Variants in GSTO2 observed in about 807,000 individuals in gnomAD.
The protein encoded by GSTO2 is glutathione S-transferase omega-2.
A neutral mutation model predicts 28.4 loss-of-function variants in GSTO2; 23 were observed. The observed-to-expected ratio is 0.81, with a 90% CI of 0.58 to 1.15. GSTO2 has a LOEUF of 1.15. Among genes scored for constraint, GSTO2 ranks in the 50% most tolerant of loss-of-function variants. The pLI, the probability that GSTO2 is intolerant of heterozygous loss-of-function variation, is 0.00. For missense variants in GSTO2, 298 were observed against 297.8 expected (o/e 1.00, Z 0.00); for synonymous variants, 109 against 111.0 (o/e 0.98, Z 0.11).
chr10:104,301,261 C>T lies in GSTO2; in HGVS notation c.*1977C>T, dbSNP rs2135157169. On this transcript the variant is annotated 3_prime_UTR_variant, in exon 7 of 7. Coordinates refer to ENST00000338595, the MANE Select transcript of GSTO2 (RefSeq NM_183239.2). ...AACAGGAAATGGCATGCCTCTGGCT[C>T]ACCAAAATGAAGGTGTTCTCTTTTG... 1 of 152,346 alleles carries T rather than the reference C, an allele frequency of 6.6e-6. No homozygotes were observed. Among genetic ancestry groups the T allele is most frequent in the Non-Finnish European group, 1.5e-5 (1 of 68,054 alleles). 9.4% of individuals were successfully genotyped at this position (152,346 alleles called of 1,614,324 possible).
intron 5 of GSTO2, among the ~76,000 whole-genome samples, chr10:104,281,939 C>T (rs1463806301): frequency 2.0e-5 from 3 of 151,860 alleles, no homozygotes; most frequent in Admixed American, 2.0e-4. Flanking sequence ...GTTCGGCAAA[C>T]AATAATCAGT....
rs555008607 is a variant in GSTO2 at position 104,279,531 on chromosome 10, A to G, written c.468+60A>G. On this transcript the variant is annotated intron_variant, in intron 5 of 6. Transcript: ENST00000338595. The stretch of plus-strand genomic sequence containing the variant: ...GTGGAGGAAGCTAGGCAGGGTCGCT[A>G]ACCTGGTCACTCTAACACCAGCTTT... The G allele has an allele frequency of 1.1e-4, 128 of 1,167,918 alleles. No individual in the cohort carries two copies. The East Asian group carries it at 2.9e-3, about 27-fold the overall frequency. The allele number at this position is 1,167,918 out of a possible 1,614,324, so 72.3% of individuals were successfully genotyped here. A position where few individuals can be genotyped will look rare whatever the true frequency, so the allele number is the denominator to read the frequency against.
At chr10:104,273,420 TC>T (rs2011502187) in intron 1 of GSTO2, among the ~76,000 whole-genome samples, 1 of 152,236 alleles carries the variant, frequency 6.6e-6, no homozygotes, top group Non-Finnish European at 1.5e-5. Context: ...TCACATGAAA[TC>T]ATTGAATGAC....
intron 5 of GSTO2, among the ~76,000 whole-genome samples, chr10:104,280,524 A>C (rs1297570311): frequency 6.6e-6 from 1 of 152,218 alleles, no homozygotes; most frequent in Non-Finnish European, 1.5e-5. Context: ...TGGGAAATAC[A>C]GTCTTTTAGC....
chr10:104,278,811 T>C (rs1206106822), intron 4 of GSTO2, among the ~76,000 whole-genome samples: 1 of 152,218 alleles, frequency 6.6e-6, no homozygotes, highest in Non-Finnish European at 1.5e-5. Context: ...TAAGAGTGCC[T>C]GCTGTCCAGG....
At chr10:104,281,146 G>T (rs2012014299) in intron 5 of GSTO2, among the ~76,000 whole-genome samples, 1 of 152,214 alleles carries the variant, frequency 6.6e-6, no homozygotes, top group South Asian at 2.1e-4. Context: ...GCAGGGGACT[G>T]CCCAGTGAGT....
At position 104,299,548 on chromosome 10, in the gene GSTO2, T is replaced by A. The variant is rs528741319; in HGVS notation, c.*264T>A. 1.2e-4 allele frequency: 47 copies of A among 387,668 alleles called. 1 individual carries two copies. The highest frequency in any genetic ancestry group is 8.9e-4 in the African/African-American group (42 of 46,992). The allele number at this position is 387,668 out of a possible 1,614,324, so 24.0% of individuals were successfully genotyped here. ...GCTGGAGTGCAGTGGGACAGTCGGC[T>A]CACTGCAGCCTTGAACTCCTGGGCT... On this transcript the variant is annotated 3_prime_UTR_variant, in exon 7 of 7. Coordinates refer to ENST00000338595, the MANE Select transcript of GSTO2 (RefSeq NM_183239.2).
chr10:104,291,857 C>T (rs145110468), intron 5 of GSTO2, among the ~76,000 whole-genome samples: 40 of 152,314 alleles, frequency 2.6e-4, no homozygotes, highest in African/African-American at 9.4e-4. Flanking sequence ...TGCAAAGTAT[C>T]TAGCATACTA....
intron 5 of GSTO2, among the ~76,000 whole-genome samples, chr10:104,293,585 T>TTTTTTTTTTTTTTTTTTTTTGG: frequency 6.9e-6 from 1 of 145,540 alleles, no homozygotes; most frequent in Non-Finnish European, 1.5e-5. Context: ...TTTTTTTTTT[T>TTTTTTTTTTTTTTTTTTTTTGG]GCGACAAGGT....
At position 104,274,653 on chromosome 10, in the gene GSTO2, G is replaced by T. The variant is rs1589855548; in HGVS notation, c.-231-32G>T. Reference sequence around the variant, plus strand: ...TCCAGAGCAAGGGGGAGCTTTTCTGGTGTTATTTTGTCTTGTTTTGTTTTT... The same window carrying T: ...TCCAGAGCAAGGGGGAGCTTTTCTGTTGTTATTTTGTCTTGTTTTGTTTTT... On this transcript the variant is annotated intron_variant, in intron 1 of 6. Coordinates refer to ENST00000338595, the MANE Select transcript of GSTO2 (RefSeq NM_183239.2). 4 of 566,672 alleles carry T rather than the reference G, an allele frequency of 7.1e-6. No individual in the cohort carries two copies. The East Asian group carries it at 1.3e-4, about 18-fold the overall frequency. The allele number at this position is 566,672 out of a possible 1,614,324, so 35.1% of individuals were successfully genotyped here. A position where few individuals can be genotyped will look rare whatever the true frequency, so the allele number is the denominator to read the frequency against.
chr10:104,286,066 T>G (rs1048741535), intron 5 of GSTO2: 1 of 208,928 alleles, frequency 4.8e-6, no homozygotes, highest in African/African-American at 2.3e-5. Flanking sequence ...ACTAAATTCA[T>G]TATTACTAGC....
At chr10:104,292,896 CACTT>C (rs1170419976) in intron 5 of GSTO2, among the ~76,000 whole-genome samples, 3 of 152,182 alleles carry the variant, frequency 2.0e-5, no homozygotes. Context: ...GATGATAAAA[CACTT>C]AAGAAAGACA....
At chr10:104,279,539 C>A in intron 5 of GSTO2, 68 bp downstream of exon 5, 1 of 996,774 alleles carries the variant, frequency 1.0e-6, no homozygotes, top group Non-Finnish European at 1.6e-6. Flanking sequence ...CTAACCTGGT[C>A]ACTCTAACAC....
At chr10:104,277,873 G>T (rs1372933524) in intron 3 of GSTO2, 21 bp from the exon 4 acceptor site, 1 of 1,553,470 alleles carries the variant, frequency 6.4e-7, no homozygotes, top group South Asian at 1.1e-5. Flanking sequence ...GTTCTGTCTT[G>T]TTTTCCTTTT....
chr10:104,295,053 C>G (rs1201799718), intron 5 of GSTO2: 1 of 149,970 alleles, frequency 6.7e-6, no homozygotes, highest in Non-Finnish European at 1.5e-5. Context: ...AAATTTGGTT[C>G]TGATTTGTGC....
At chr10:104,277,132 C>A (rs2011679208) in intron 3 of GSTO2, among the ~76,000 whole-genome samples, 1 of 152,082 alleles carries the variant, frequency 6.6e-6, no homozygotes, top group Non-Finnish European at 1.5e-5. Context: ...ATTCTGATGC[C>A]AAAACTCATA....
chr10:104,295,129 T>A (rs2012964384), intron 5 of GSTO2: 1 of 152,170 alleles, frequency 6.6e-6, no homozygotes, highest in South Asian at 2.1e-4. Flanking sequence ...TGAGTAGTGA[T>A]CATCTATTCC....
rs188666353 is a variant in GSTO2, at chr10:104,270,106, C to T, written c.-232+837C>T. Among the ~76,000 whole-genome samples the T allele has an allele frequency of 7.3e-3, 1,115 of 152,204 alleles. 12 individuals carry two copies. The highest frequency in any genetic ancestry group is 0.026 in the African/African-American group (1,062 of 41,510). On this transcript the variant is annotated intron_variant, in intron 1 of 6. Transcript: ENST00000338595. ...TCGGCTCACTGCAAGCTCCGCCTCC[C>T]GGGTTCACGCCATTCTCCTGCCTCA...
intron 1 of GSTO2, among the ~76,000 whole-genome samples, chr10:104,273,537 G>A (rs1474772279): frequency 6.6e-6 from 1 of 152,174 alleles, no homozygotes; most frequent in African/African-American, 2.4e-5. Context: ...GGATAGACTG[G>A]AATTCCAAAG....
Sources: gnomAD v4.1 joint callset for allele counts (sites outside exome capture counted in the v4.1 genomes callset) on GRCh38, gnomAD v4.1.1 for gene constraint, MANE v1.5 for transcripts, NCBI Gene and HGNC (gene_info 2026-07-23, HGNC 2026-07-21) for gene names.